Variants in MFF observed in about 807,000 individuals in gnomAD.
MFF encodes the protein chromosome 2 open reading frame 33.
A neutral mutation model predicts 36.9 loss-of-function variants in MFF; 12 were observed. The observed-to-expected ratio is 0.33, with a 90% CI of 0.21 to 0.53. MFF has a LOEUF of 0.53. MFF is among the 20% of genes least tolerant of loss of function. The pLI is 0.95. For missense variants in MFF, 348 were observed against 366.6 expected (o/e 0.95, Z 0.42); for synonymous variants, 99 against 126.2 (o/e 0.78, Z 1.44).
At chr2:227,355,433 A>G (rs2076208990) in intron 7 of MFF, 1 of 261,720 alleles carries the variant, frequency 3.8e-6, no homozygotes, top group South Asian at 8.9e-5. Flanking sequence ...TTCTTTAGTC[A>G]GGATTTTTTT....
At chr2:227,342,741 T>C in intron 5 of MFF, 1 of 1,607,892 alleles carries the variant, frequency 6.2e-7, no homozygotes, top group South Asian at 1.1e-5. Flanking sequence ...AATTATTATT[T>C]AAGGTGGCAC....
intron 5 of MFF, chr2:227,342,767 C>T (rs2075468903): frequency 3.7e-6 from 6 of 1,613,296 alleles, no homozygotes; most frequent in Non-Finnish European, 5.1e-6. Flanking sequence ...AGATTCTGCC[C>T]CAAGAAATAA....
chr2:227,352,290 TC>T, intron 6 of MFF: 1 of 449,638 alleles, frequency 2.2e-6, no homozygotes, highest in Admixed American at 3.7e-5. Flanking sequence ...AAATATAGAT[TC>T]CCTTTGTTTC....
chr2:227,337,137 A>G (rs191761457), intron 4 of MFF, among the ~76,000 whole-genome samples: 2 of 152,378 alleles, frequency 1.3e-5, no homozygotes, highest in East Asian at 3.9e-4. Flanking sequence ...ACATTCATGC[A>G]TGGAAAATTC....
Position 227,357,021 on chromosome 2 carries a change from A to G in MFF, c.780A>G (p.Glu260=). ...IKLNRRLQLL[E]EENKERAKRE... ...TAAATAGACGTCTACAACTTCTGGA[A>G]GAGGAGAACAAAGAACGTGCTAAAA... The change falls in exon 9 of 9, where the codon GAA becomes GAG. Residue 260 remains glutamate, a synonymous_variant. Coordinates refer to ENST00000304593, the MANE Select transcript of MFF (RefSeq NM_001277062.2). 6.2e-7 allele frequency: 1 copy of G among 1,613,326 alleles called. No homozygotes were observed. The highest frequency in any genetic ancestry group is 1.1e-5 in the South Asian group (1 of 91,038).
intron 3 of MFF, among the ~76,000 whole-genome samples, chr2:227,331,439 T>C (rs1310416931): frequency 6.6e-6 from 1 of 152,226 alleles, no homozygotes; most frequent in East Asian, 1.9e-4. Flanking sequence ...GTTGATTGCT[T>C]TTTGTTTGAA....
chr2:227,332,391 C>T, intron 3 of MFF, 28 bp from the exon 4 acceptor site: 3 of 1,566,184 alleles, frequency 1.9e-6, no homozygotes, highest in Non-Finnish European at 1.7e-6. Flanking sequence ...CTTTTCTCTT[C>T]TTTGTCTCTT....
At position 227,345,916 on chromosome 2, in the gene MFF, C is replaced by T. The variant is rs556237820; in HGVS notation, c.441-1310C>T. The stretch of plus-strand genomic sequence containing the variant: ...GTGAATCAGGCTTGATAGATAGTTG[C>T]TTTATACGTTAAGATTTGGCTTAGA... On this transcript the variant is annotated intron_variant, in intron 5 of 8. Transcript: ENST00000304593. Among the ~76,000 whole-genome samples, 9 of 152,238 alleles carry T rather than the reference C, an allele frequency of 5.9e-5. No individual in the cohort carries two copies. In the South Asian group the frequency reaches 1.9e-3, roughly 32 times the overall value.
In MFF at chr2:227,332,428, A is replaced by C; in HGVS notation, c.191A>C (p.Glu64Ala). ...TCTTGAAAACTCCTAGGAAATAATG[A>C]AGATGTTTCATTTTCAAGACCAGCA... Reference protein sequence around the residue: ...PERIVVAGNNEDVSFSRPADL... With the variant: ...PERIVVAGNNADVSFSRPADL... The change falls in exon 4 of 9, where the codon GAA becomes GCA. Residue 64 changes from glutamate (E) to alanine (A), a missense_variant. Glu to Ala is a moderately radical substitution (Grantham distance 107, BLOSUM62 -1). Transcript: ENST00000304593. 1 of 1,603,808 alleles carries C rather than the reference A, an allele frequency of 6.2e-7. No individual in the cohort carries two copies. The highest frequency in any genetic ancestry group is 8.5e-7 in the Non-Finnish European group (1 of 1,177,000).
At chr2:227,338,369 C>CA (rs373093427) in intron 4 of MFF, among the ~76,000 whole-genome samples, 19,608 of 114,652 alleles carry the variant, frequency 0.17, 1,508 homozygotes, top group Middle Eastern at 0.21. Context: ...CACTCTGTCT[C>CA]AAAAAAAAAA....
At chr2:227,337,520 T>A (rs1392054864) in intron 4 of MFF, among the ~76,000 whole-genome samples, 1 of 152,204 alleles carries the variant, frequency 6.6e-6, no homozygotes, top group Non-Finnish European at 1.5e-5. Context: ...GGACATTTAC[T>A]TGCCCAGGAA....
intron 6 of MFF, among the ~76,000 whole-genome samples, chr2:227,349,122 G>A (rs1132575): frequency 0.16 from 23,992 of 151,890 alleles, 2,031 homozygotes; most frequent in African/African-American, 0.22. Context: ...TGTATAAAAA[G>A]TAATAATAGC....
chr2:227,344,163 G>A lies in MFF; in HGVS notation c.441-3063G>A, dbSNP rs891656193. The stretch of plus-strand genomic sequence containing the variant: ...GGTAGAGCTATTACTAATGAAGCAT[G>A]GTAAACATCAGTGCTTTCTTCAAAA... On this transcript the variant is annotated intron_variant, in intron 5 of 8. Coordinates refer to ENST00000304593, the MANE Select transcript of MFF (RefSeq NM_001277062.2). Among the ~76,000 whole-genome samples the A allele has an allele frequency of 2.6e-5, 4 of 152,022 alleles. No homozygotes were observed. The South Asian group carries it at 8.3e-4, about 32-fold the overall frequency.
chr2:227,330,550 TTGTCTTCTAACTTCACTG>T, intron 2 of MFF, 58 bp from the exon 3 acceptor site: 1 of 1,020,364 alleles, frequency 9.8e-7, no homozygotes, highest in Non-Finnish European at 1.5e-6. Context: ...CTATAAGGTA[TTGTCTTCTAACTTCACTG>T]CGTAGAGGAG....
At chr2:227,343,344 A>G (rs981313954) in intron 5 of MFF, among the ~76,000 whole-genome samples, 5 of 152,184 alleles carry the variant, frequency 3.3e-5, no homozygotes, top group Admixed American at 6.5e-5. Flanking sequence ...AAAATAAGGT[A>G]TGAGAATGAC....
rs1257288598 is a variant in MFF, at chr2:227,344,780, C to T, written c.441-2446C>T. On this transcript the variant is annotated intron_variant, in intron 5 of 8. Transcript: ENST00000304593. ...TTTGTTTATGGAGGATTGCCATACA[C>T]ATGAATGAAAAGCTAATTTTTTTAC... is the stretch of plus-strand genomic sequence containing the variant. Among the ~76,000 whole-genome samples the T allele has an allele frequency of 2.6e-5, 4 of 151,922 alleles. No homozygotes were observed. In the East Asian group the frequency reaches 7.7e-4, roughly 29 times the overall value.
intron 6 of MFF, among the ~76,000 whole-genome samples, chr2:227,350,731 T>C (rs1356683464): frequency 6.6e-6 from 1 of 152,176 alleles, no homozygotes; most frequent in Non-Finnish European, 1.5e-5. Context: ...GTGTATTTAC[T>C]CAAAAAATGT....
intron 5 of MFF, chr2:227,346,095 A>G (rs114812178): frequency 0.036 from 5,753 of 161,508 alleles, 197 homozygotes; most frequent in Admixed American, 0.044. Context: ...GACTATAACT[A>G]TCCTGTCAAA....
At chr2:227,338,824 GACTCT>G (rs1454810721) in intron 4 of MFF, among the ~76,000 whole-genome samples, 2 of 147,210 alleles carry the variant, frequency 1.4e-5, no homozygotes, top group Non-Finnish European at 3.0e-5. Context: ...GACAGAACAA[GACTCT>G]GTCTCAAAAA....
Sources: gnomAD v4.1 joint callset for allele counts (sites outside exome capture counted in the v4.1 genomes callset) on GRCh38, gnomAD v4.1.1 for gene constraint, MANE v1.5 for transcripts, NCBI Gene and HGNC (gene_info 2026-07-23, HGNC 2026-07-21) for gene names.